SUDS3: variants seen among roughly 807,000 people sequenced by gnomAD.
SUDS3 encodes sin3 histone deacetylase corepressor complex component SDS3.
In SUDS3, 23 loss-of-function variants were observed where a neutral mutation model predicts 53.5. The observed-to-expected ratio is 0.43, with a 90% CI of 0.31 to 0.61. SUDS3 has a LOEUF of 0.61. Among genes scored for constraint, SUDS3 ranks in the 20% least tolerant of loss-of-function variants. SUDS3 has a pLI of 0.10. For missense variants in SUDS3, 291 were observed against 405.9 expected, an observed-to-expected ratio of 0.72 and a Z score of 2.43; for synonymous variants, 150 against 148.5, an observed-to-expected ratio of 1.01 and a Z score of -0.08.
At chr12:118,387,098 C>G (rs898885038) in intron 4 of SUDS3, among the ~76,000 whole-genome samples, 1 of 152,118 alleles carries the variant, frequency 6.6e-6, no homozygotes, top group Non-Finnish European at 1.5e-5. Flanking sequence ...GAGAAGCTGC[C>G]CAGTGCACAC....
At chr12:118,397,417 A>T (rs943252432) in intron 6 of SUDS3, among the ~76,000 whole-genome samples, 3 of 152,108 alleles carry the variant, frequency 2.0e-5, no homozygotes, top group Non-Finnish European at 1.5e-5. Flanking sequence ...GGGTTGTCAG[A>T]CTCCATCCTT....
intron 1 of SUDS3, among the ~76,000 whole-genome samples, chr12:118,379,880 T>C (rs1335356600): frequency 1.3e-5 from 2 of 152,210 alleles, no homozygotes; most frequent in African/African-American, 4.8e-5. Context: ...AGTACGGCTG[T>C]CCCTCGGTAT....
At chr12:118,390,077 T>A in intron 5 of SUDS3, 131 bp downstream of exon 5, 1 of 1,134,942 alleles carries the variant, frequency 8.8e-7, no homozygotes, top group South Asian at 1.3e-5. Flanking sequence ...CTGTTTGACT[T>A]AAGGACATTT....
chr12:118,407,942 C>T (rs2046322626), intron 10 of SUDS3, among the ~76,000 whole-genome samples: 2 of 152,002 alleles, frequency 1.3e-5, no homozygotes, highest in African/African-American at 4.8e-5. Context: ...CGCACTGTCA[C>T]CCAGGCTGGA....
intron 6 of SUDS3, among the ~76,000 whole-genome samples, chr12:118,396,637 T>C (rs1299362367): frequency 1.3e-5 from 2 of 152,230 alleles, no homozygotes; most frequent in Admixed American, 6.5e-5. Flanking sequence ...CTTGTTTTAA[T>C]AGTTAAAGTA....
intron 6 of SUDS3, among the ~76,000 whole-genome samples, chr12:118,394,068 G>T (rs908651405): frequency 2.0e-5 from 3 of 152,140 alleles, no homozygotes; most frequent in African/African-American, 7.2e-5. Flanking sequence ...ATAGAAGTCT[G>T]TTTCCCAAGC....
At position 118,403,526 on chromosome 12, in the gene SUDS3, T is replaced by C. The variant is rs746845246; in HGVS notation, c.803+9T>C. ...TACTATGACAAAAGATGGTATGTTA[T>C]GGGAAAACCTGGACTAGTAAGAGTC... is the stretch of plus-strand genomic sequence containing the variant. On this transcript the variant is annotated intron_variant, in intron 10 of 11. Coordinates refer to ENST00000543473, the MANE Select transcript of SUDS3 (RefSeq NM_022491.3). 10 of 1,604,278 alleles carry C rather than the reference T, an allele frequency of 6.2e-6. No homozygotes were observed. Among genetic ancestry groups the C allele is most frequent in the Non-Finnish European group, 8.5e-7 (1 of 1,174,304 alleles).
At chr12:118,386,325 TC>T (rs2046114708) in intron 4 of SUDS3, 140 bp downstream of exon 4, 2 of 712,442 alleles carry the variant, frequency 2.8e-6, no homozygotes, top group African/African-American at 1.8e-5. Context: ...AAAAGAGACT[TC>T]CAAGCTGCAG....
At chr12:118,388,233 T>C (rs1398134869) in intron 4 of SUDS3, among the ~76,000 whole-genome samples, 3 of 152,188 alleles carry the variant, frequency 2.0e-5, no homozygotes, top group Non-Finnish European at 4.4e-5. Flanking sequence ...GTCCCTTTCC[T>C]CAGTTAATTT....
chr12:118,378,134 G>A (rs536353017), intron 1 of SUDS3, among the ~76,000 whole-genome samples: 1 of 152,290 alleles, frequency 6.6e-6, no homozygotes, highest in Admixed American at 6.5e-5. Flanking sequence ...CAGTATAGGG[G>A]CTATTAAAAT....
intron 10 of SUDS3, 26 bp from the exon 11 acceptor site, chr12:118,411,047 A>G (rs914940528): frequency 1.9e-6 from 3 of 1,582,318 alleles, no homozygotes; most frequent in Non-Finnish European, 8.6e-7. Context: ...CTCCCTTTTT[A>G]AAAATGTGTG....
chr12:118,412,534 C>A (rs918152245), intron 11 of SUDS3, among the ~76,000 whole-genome samples: 10 of 152,070 alleles, frequency 6.6e-5, no homozygotes, highest in Non-Finnish European at 1.0e-4. Context: ...CCGTGTGAGT[C>A]CCCTCAAGCC....
Position 118,415,512 on chromosome 12 carries a change from A to G in SUDS3, c.*1079A>G, listed in dbSNP as rs1409379021. 1 of 152,072 alleles carries G rather than the reference A, an allele frequency of 6.6e-6. No homozygotes were observed. The highest frequency in any genetic ancestry group is 1.5e-5 in the Non-Finnish European group (1 of 68,056). The allele number at this position is 152,072 out of a possible 1,614,324, so 9.4% of individuals were successfully genotyped here. A position where few individuals can be genotyped will look rare whatever the true frequency, so the allele number is the denominator to read the frequency against. On this transcript the variant is annotated 3_prime_UTR_variant, in exon 12 of 12. Coordinates refer to ENST00000543473, the MANE Select transcript of SUDS3 (RefSeq NM_022491.3). ...CTGCCTCTGGACTGACACCCTCCCT[A>G]ATGAGTCCTGATGAAACAGCCTTTC...
intron 10 of SUDS3, 83 bp from the exon 11 acceptor site, chr12:118,410,990 G>T (rs2046354574): frequency 9.6e-7 from 1 of 1,041,232 alleles, no homozygotes; most frequent in Non-Finnish European, 1.5e-6. Context: ...AATTTTTGTT[G>T]TGATGGTGTT....
At chr12:118,388,053 C>A (rs1358496425) in intron 4 of SUDS3, among the ~76,000 whole-genome samples, 1 of 152,332 alleles carries the variant, frequency 6.6e-6, no homozygotes, top group African/African-American at 2.4e-5. Context: ...GGCATGATTT[C>A]TCGGAATGGC....
intron 6 of SUDS3, among the ~76,000 whole-genome samples, chr12:118,399,077 G>C (rs1313401126): frequency 6.6e-6 from 1 of 152,216 alleles, no homozygotes; most frequent in Non-Finnish European, 1.5e-5. Context: ...AAGGCGTAAA[G>C]TCTGGTGCCC....
chr12:118,385,881 C>T (rs949182603), intron 3 of SUDS3, among the ~76,000 whole-genome samples: 17 of 152,258 alleles, frequency 1.1e-4, no homozygotes, highest in African/African-American at 3.9e-4. Flanking sequence ...ATTTTCCACT[C>T]CCCCTCACTC....
intron 2 of SUDS3, among the ~76,000 whole-genome samples, chr12:118,380,655 T>C (rs141816415): frequency 3.3e-5 from 5 of 152,308 alleles, no homozygotes; most frequent in African/African-American, 1.2e-4. Flanking sequence ...TTGAGGGCAA[T>C]GGACCCAGGG....
At chr12:118,377,102 G>A (rs995331243) in intron 1 of SUDS3, among the ~76,000 whole-genome samples, 1 of 152,074 alleles carries the variant, frequency 6.6e-6, no homozygotes, top group Non-Finnish European at 1.5e-5. Context: ...CTCCCTCCCA[G>A]CCGTTTCTGA....
Sources: allele counts gnomAD v4.1 joint callset (sites outside exome capture counted in the v4.1 genomes callset), GRCh38; gene constraint gnomAD v4.1.1; transcripts MANE v1.5; gene names NCBI Gene and HGNC (gene_info 2026-07-23, HGNC 2026-07-21).